TAF4B: variants seen among roughly 807,000 people sequenced by gnomAD.
The protein encoded by TAF4B is TATA-box binding protein associated factor 4b, also known as transcription initiation factor TFIID subunit 4B.
A neutral mutation model predicts 86.4 loss-of-function variants in TAF4B; 38 were observed. That is an observed-to-expected ratio of 0.44 (90% CI 0.34 to 0.58). The LOEUF is 0.58. Ranked by LOEUF, TAF4B falls within the 20% of genes least tolerant of loss-of-function variation. The pLI, the probability that TAF4B is intolerant of heterozygous loss-of-function variation, is 0.02. For synonymous variants in TAF4B, 388 were observed against 391.2 expected, an observed-to-expected ratio of 0.99 and a Z score of 0.10; for missense variants, 988 against 1,027.6, an observed-to-expected ratio of 0.96 and a Z score of 0.53.
At chr18:26,303,636 ACCCC>A (rs2056765033) in intron 9 of TAF4B, among the ~76,000 whole-genome samples, 1 of 880 alleles carries the variant, frequency 1.1e-3, no homozygotes, top group Non-Finnish European at 2.6e-3. Flanking sequence ...CCACTTTCAT[ACCCC>A]CTCCACTTTC....
At chr18:26,360,772 A>G (rs1187838207) in intron 14 of TAF4B, among the ~76,000 whole-genome samples, 1 of 152,206 alleles carries the variant, frequency 6.6e-6, no homozygotes, top group African/African-American at 2.4e-5. Context: ...ACTGTATATC[A>G]AAAATACAAA....
At chr18:26,373,758 T>G (rs2057422253) in intron 14 of TAF4B, among the ~76,000 whole-genome samples, 1 of 152,178 alleles carries the variant, frequency 6.6e-6, no homozygotes, top group Admixed American at 6.5e-5. Flanking sequence ...AGATGGCATT[T>G]GTATTCATTC....
intron 10 of TAF4B, among the ~76,000 whole-genome samples, chr18:26,319,685 G>A (rs1272433066): frequency 1.3e-5 from 2 of 151,990 alleles, no homozygotes; most frequent in Non-Finnish European, 1.5e-5. Flanking sequence ...CGCCTCCCAG[G>A]TACAAGTGAT....
chr18:26,308,020 A>C (rs781653892), intron 9 of TAF4B, among the ~76,000 whole-genome samples: 1 of 152,062 alleles, frequency 6.6e-6, no homozygotes, highest in Non-Finnish European at 1.5e-5. Context: ...AGGCAGGGAG[A>C]ATTGCTTGAA....
intron 12 of TAF4B, among the ~76,000 whole-genome samples, chr18:26,330,442 C>T (rs758115262): frequency 2.3e-4 from 35 of 152,240 alleles, no homozygotes; most frequent in Admixed American, 8.5e-4. Context: ...TTATACTTTT[C>T]GTGCTCTAGC....
intron 9 of TAF4B, among the ~76,000 whole-genome samples, chr18:26,300,328 A>G (rs1452416528): frequency 6.7e-6 from 1 of 148,940 alleles, no homozygotes; most frequent in Non-Finnish European, 1.5e-5. Context: ...TATTATTATT[A>G]TTATTATTAA....
intron 12 of TAF4B, among the ~76,000 whole-genome samples, chr18:26,328,452 A>T (rs1422346476): frequency 2.0e-5 from 3 of 152,132 alleles, no homozygotes; most frequent in African/African-American, 7.2e-5. Flanking sequence ...CCATCTCCAA[A>T]AAATAAATAA....
intron 13 of TAF4B, among the ~76,000 whole-genome samples, chr18:26,352,434 A>G (rs2057253215): frequency 6.6e-6 from 1 of 151,854 alleles, no homozygotes; most frequent in South Asian, 2.1e-4. Flanking sequence ...AAGGAAGCAC[A>G]TATCTTTGAG....
At chr18:26,333,530 T>C (rs946411056) in intron 12 of TAF4B, among the ~76,000 whole-genome samples, 2 of 152,174 alleles carry the variant, frequency 1.3e-5, no homozygotes, top group Non-Finnish European at 2.9e-5. Flanking sequence ...GCTGGGACTA[T>C]AGGCACGTGT....
chr18:26,363,692 G>T (rs750085743), intron 14 of TAF4B, among the ~76,000 whole-genome samples: 4 of 152,176 alleles, frequency 2.6e-5, no homozygotes, highest in Non-Finnish European at 4.4e-5. Flanking sequence ...ACACAAAAAT[G>T]ATGTATGAAA....
intron 9 of TAF4B, among the ~76,000 whole-genome samples, chr18:26,297,798 C>T (rs1299962832): frequency 2.0e-5 from 3 of 152,094 alleles, no homozygotes; most frequent in Non-Finnish European, 2.9e-5. Context: ...TTGCTGGGAA[C>T]ACTTGTGTCT....
At chr18:26,350,729 T>C (rs1359200803) in intron 13 of TAF4B, among the ~76,000 whole-genome samples, 1 of 152,104 alleles carries the variant, frequency 6.6e-6, no homozygotes, top group Non-Finnish European at 1.5e-5. Context: ...AATGGACATT[T>C]CTCAAAAGAA....
At chr18:26,304,658 C>T (rs1421425804) in intron 9 of TAF4B, 3 of 937,152 alleles carry the variant, frequency 3.2e-6, no homozygotes, top group African/African-American at 3.6e-5. Context: ...CTCAGATACA[C>T]TTTTCCCATT....
At chr18:26,347,039 G>A (rs779967244) in intron 13 of TAF4B, among the ~76,000 whole-genome samples, 14 of 148,366 alleles carry the variant, frequency 9.4e-5, no homozygotes, top group Non-Finnish European at 1.5e-4. Flanking sequence ...TCCTGCGTCA[G>A]CCTCCCAAGT....
rs1052687998 is a variant in TAF4B at position 26,242,992 on chromosome 18, C to T, written c.343+15716C>T. Among the ~76,000 whole-genome samples the T allele has an allele frequency of 1.3e-4, 20 of 152,294 alleles. 1 individual carries two copies. In the South Asian group the frequency reaches 3.9e-3, roughly 30 times the overall value. Reference sequence around the variant, plus strand: ...GGGCTTCCCCTTGTAGGTAACCTGACCTTTCTCTCTGGCTGCCCTTAATAT... The same window carrying T: ...GGGCTTCCCCTTGTAGGTAACCTGATCTTTCTCTCTGGCTGCCCTTAATAT... On this transcript the variant is annotated intron_variant, in intron 1 of 14. Transcript: ENST00000269142.
At chr18:26,255,490 C>G (rs2056068364) in intron 1 of TAF4B, among the ~76,000 whole-genome samples, 2 of 150,744 alleles carry the variant, frequency 1.3e-5, no homozygotes, top group Non-Finnish European at 2.9e-5. Context: ...ATAAACCCAG[C>G]TACTTGGGAG....
chr18:26,310,015 G>T (rs1166243442), intron 9 of TAF4B, among the ~76,000 whole-genome samples: 1 of 152,016 alleles, frequency 6.6e-6, no homozygotes, highest in Non-Finnish European at 1.5e-5. Flanking sequence ...TAGAGATGGG[G>T]TTTCACCATA....
At chr18:26,247,689 C>T (rs1310688225) in intron 1 of TAF4B, among the ~76,000 whole-genome samples, 1 of 151,956 alleles carries the variant, frequency 6.6e-6, no homozygotes, top group Non-Finnish European at 1.5e-5. Context: ...CGAGACCAGC[C>T]TCGCCAACAT....
At chr18:26,272,000 T>A (rs1287929165) in intron 3 of TAF4B, among the ~76,000 whole-genome samples, 2 of 142,982 alleles carry the variant, frequency 1.4e-5, no homozygotes, top group East Asian at 4.0e-4. Flanking sequence ...AAAAAAAAAC[T>A]CAGCAAAGCC....
Sources: gnomAD v4.1 joint callset for allele counts (sites outside exome capture counted in the v4.1 genomes callset) on GRCh38, gnomAD v4.1.1 for gene constraint, MANE v1.5 for transcripts, NCBI Gene and HGNC (gene_info 2026-07-23, HGNC 2026-07-21) for gene names.